Variants in SLC12A1 observed in about 807,000 individuals in gnomAD.
The protein encoded by SLC12A1 is solute carrier family 12 member 1.
A neutral mutation model predicts 130.4 loss-of-function variants in SLC12A1; 89 were observed. That is an observed-to-expected ratio of 0.68 (90% CI 0.58 to 0.81). The LOEUF (loss-of-function observed/expected upper bound fraction) is 0.81. Ranked by LOEUF, SLC12A1 falls within the 40% of genes least tolerant of loss-of-function variation. The pLI, the probability that SLC12A1 is intolerant of heterozygous loss-of-function variation, is 0.00. For synonymous variants in SLC12A1, 499 were observed against 460.0 expected (o/e 1.08, Z -1.09); for missense variants, 1,310 against 1,336.4 (o/e 0.98, Z 0.31).
At chr15:48,244,670 T>G in intron 10 of SLC12A1, 83 bp from the exon 11 acceptor site, 3 of 1,408,116 alleles carry the variant, frequency 2.1e-6, no homozygotes, top group Non-Finnish European at 3.0e-6. Flanking sequence ...CTTTTCAGTC[T>G]CAAAGTAAAC....
At chr15:48,233,933 T>C (rs1300914338) in intron 8 of SLC12A1, among the ~76,000 whole-genome samples, 2 of 152,244 alleles carry the variant, frequency 1.3e-5, no homozygotes, top group African/African-American at 4.8e-5. Flanking sequence ...TTGTTTCCTT[T>C]TTATTTAATA....
At chr15:48,238,381 G>T (rs2041463265) in intron 9 of SLC12A1, among the ~76,000 whole-genome samples, 1 of 152,166 alleles carries the variant, frequency 6.6e-6, no homozygotes, top group African/African-American at 2.4e-5. Context: ...GTTAATGCAG[G>T]TATGTGCAAA....
At chr15:48,250,673 GCCTCAC>G (rs1317220410) in intron 14 of SLC12A1, among the ~76,000 whole-genome samples, 1 of 69,856 alleles carries the variant, frequency 1.4e-5, no homozygotes, top group East Asian at 4.7e-4. Context: ...GAAAATGTCT[GCCTCAC>G]ACACACACAC....
At chr15:48,240,094 T>TATATATATATATATATCC (rs2041497469) in intron 9 of SLC12A1, among the ~76,000 whole-genome samples, 5 of 78,714 alleles carry the variant, frequency 6.4e-5, no homozygotes, top group African/African-American at 3.0e-4. Context: ...TATATATCCA[T>TATATATATATATATATCC]ATATATATAT....
chr15:48,262,447 T>TGA (rs2041785926), intron 17 of SLC12A1, among the ~76,000 whole-genome samples: 2 of 152,198 alleles, frequency 1.3e-5, no homozygotes, highest in African/African-American at 2.4e-5. Context: ...CAAATAATCA[T>TGA]TATTTGAAAT....
chr15:48,278,929 T>A (rs2041983779), intron 20 of SLC12A1, among the ~76,000 whole-genome samples: 1 of 152,196 alleles, frequency 6.6e-6, no homozygotes, highest in Non-Finnish European at 1.5e-5. Flanking sequence ...ATCCTGGCAG[T>A]GAACTGCATC....
At chr15:48,296,689 T>C (rs951893064) in intron 24 of SLC12A1, among the ~76,000 whole-genome samples, 2 of 152,212 alleles carry the variant, frequency 1.3e-5, no homozygotes, top group Non-Finnish European at 2.9e-5. Context: ...ATTTTAAAAA[T>C]TGAATTCTTA....
intron 25 of SLC12A1, among the ~76,000 whole-genome samples, chr15:48,300,641 C>T (rs2042223587): frequency 6.6e-6 from 1 of 152,216 alleles, no homozygotes; most frequent in Non-Finnish European, 1.5e-5. Flanking sequence ...GTGTAACAAA[C>T]TGCCCGGTTC....
At chr15:48,234,288 A>C (rs1047301988) in intron 8 of SLC12A1, among the ~76,000 whole-genome samples, 2 of 151,202 alleles carry the variant, frequency 1.3e-5, no homozygotes, top group African/African-American at 4.9e-5. Context: ...TTCTAGATGC[A>C]AAAAAGTCAG....
intron 2 of SLC12A1, among the ~76,000 whole-genome samples, chr15:48,213,914 A>G (rs1362433273): frequency 1.3e-5 from 2 of 152,226 alleles, no homozygotes; most frequent in Non-Finnish European, 2.9e-5. Flanking sequence ...ACATAAATCA[A>G]TGTATTAAAA....
chr15:48,251,812 T>C, intron 15 of SLC12A1, 42 bp downstream of exon 15: 1 of 1,567,236 alleles, frequency 6.4e-7, no homozygotes, highest in Non-Finnish European at 8.8e-7. Flanking sequence ...CAAATCTCTC[T>C]CTAACTACTC....
At chr15:48,267,949 C>T (rs1292558951) in intron 18 of SLC12A1, among the ~76,000 whole-genome samples, 1 of 152,186 alleles carries the variant, frequency 6.6e-6, no homozygotes, top group Non-Finnish European at 1.5e-5. Flanking sequence ...CACCAGCATA[C>T]ATTCTGCCCC....
intron 4 of SLC12A1, chr15:48,223,026 T>G (rs2041235215): frequency 6.6e-6 from 1 of 152,216 alleles, no homozygotes; most frequent in African/African-American, 2.4e-5. Context: ...TCCAATAAAT[T>G]TAACCATCAA....
chr15:48,252,062 G>C (rs1212278526), intron 15 of SLC12A1, among the ~76,000 whole-genome samples: 2 of 152,074 alleles, frequency 1.3e-5, no homozygotes, highest in Non-Finnish European at 2.9e-5. Flanking sequence ...AATTAGCTGG[G>C]TGTGGTGGCG....
At chr15:48,284,982 A>G (rs2042042284) in intron 20 of SLC12A1, 124 bp from the exon 21 acceptor site, 1 of 657,806 alleles carries the variant, frequency 1.5e-6, no homozygotes. Context: ...TTTAGAAAAA[A>G]TTACTATGTA....
At chr15:48,296,365 A>G (rs1398757139) in intron 24 of SLC12A1, among the ~76,000 whole-genome samples, 4 of 152,206 alleles carry the variant, frequency 2.6e-5, no homozygotes, top group Non-Finnish European at 4.4e-5. Context: ...AGGGAGTACA[A>G]AAGCAAAGTT....
At chr15:48,296,959 T>C (rs917802771) in intron 24 of SLC12A1, among the ~76,000 whole-genome samples, 2 of 152,188 alleles carry the variant, frequency 1.3e-5, no homozygotes, top group Admixed American at 6.5e-5. Flanking sequence ...CTGTGTCACT[T>C]AGCATGTTTC....
chr15:48,274,829 C>T (rs2141098013), intron 20 of SLC12A1, among the ~76,000 whole-genome samples, 176 bp downstream of exon 20: 1 of 152,304 alleles, frequency 6.6e-6, no homozygotes, highest in African/African-American at 2.4e-5. Flanking sequence ...AATGCTAAGA[C>T]AAGTAGCCTT....
chr15:48,288,610 T>C (rs1566857592), intron 23 of SLC12A1, 94 bp downstream of exon 23: 1 of 659,776 alleles, frequency 1.5e-6, no homozygotes, highest in South Asian at 2.0e-5. Flanking sequence ...TGAGACACAA[T>C]AGACTCAAAG....
Sources: allele counts gnomAD v4.1 joint callset (sites outside exome capture counted in the v4.1 genomes callset), GRCh38; gene constraint gnomAD v4.1.1; transcripts MANE v1.5; gene names NCBI Gene and HGNC (gene_info 2026-07-23, HGNC 2026-07-21).